LIN54: variants seen among roughly 807,000 people sequenced by gnomAD.
LIN54 encodes the protein protein lin-54 homolog.
Under a neutral mutation model 78.7 loss-of-function variants are expected in LIN54, and 9 were observed. The ratio of observed to expected loss-of-function variants is 0.11; its 90% CI spans 0.07 to 0.20. The LOEUF (loss-of-function observed/expected upper bound fraction) is 0.20. LIN54 is among the 10% of genes least tolerant of loss of function. The pLI, the probability that LIN54 is intolerant of heterozygous loss-of-function variation, is 1.00. For missense variants in LIN54, 573 were observed against 889.9 expected, an observed-to-expected ratio of 0.64 and a Z score of 4.53; for synonymous variants, 269 against 318.4, an observed-to-expected ratio of 0.84 and a Z score of 1.65.
intron 2 of LIN54, among the ~76,000 whole-genome samples, chr4:82,980,663 A>G (rs1726559754): frequency 6.6e-6 from 1 of 152,134 alleles, no homozygotes; most frequent in Non-Finnish European, 1.5e-5. Flanking sequence ...TAGAAAGCTA[A>G]TGAAATTTAG....
chr4:82,938,262 C>T (rs1170118057), intron 8 of LIN54, 151 bp downstream of exon 8: 2 of 511,368 alleles, frequency 3.9e-6, no homozygotes, highest in East Asian at 3.1e-5. Flanking sequence ...TGTAATTTTT[C>T]TGTTTGAAAT....
chr4:83,008,810 GGACAA>G (rs2126118102), intron 1 of LIN54, among the ~76,000 whole-genome samples: 1 of 152,182 alleles, frequency 6.6e-6, no homozygotes, highest in East Asian at 1.9e-4. Flanking sequence ...GTTCTAACCA[GGACAA>G]TCTGAAAACT....
At chr4:82,973,294 A>G (rs1239551604) in intron 3 of LIN54, among the ~76,000 whole-genome samples, 1 of 152,178 alleles carries the variant, frequency 6.6e-6, no homozygotes, top group African/African-American at 2.4e-5. Context: ...AAAGCAGGTC[A>G]TTTCTACCAA....
upstream of LIN54, among the ~76,000 whole-genome samples, chr4:83,011,329 G>C (rs1729843769): frequency 6.6e-6 from 1 of 152,186 alleles, no homozygotes; most frequent in African/African-American, 2.4e-5. Context: ...TCCTCATGCA[G>C]ATGAAGTGGT....
chr4:82,945,948 A>G (rs1723318984), intron 5 of LIN54, among the ~76,000 whole-genome samples: 1 of 152,238 alleles, frequency 6.6e-6, no homozygotes, highest in African/African-American at 2.4e-5. Flanking sequence ...AAAATACATA[A>G]TACGGTTCCA....
At chr4:82,957,491 T>C (rs958644534) in intron 4 of LIN54, among the ~76,000 whole-genome samples, 1 of 152,266 alleles carries the variant, frequency 6.6e-6, no homozygotes, top group African/African-American at 2.4e-5. Flanking sequence ...AGCCCTAATC[T>C]GACCCTATGT....
At chr4:82,958,939 T>A (rs1459953019) in intron 4 of LIN54, among the ~76,000 whole-genome samples, 2 of 152,162 alleles carry the variant, frequency 1.3e-5, no homozygotes, top group African/African-American at 4.8e-5. Flanking sequence ...CGATCTCAGG[T>A]GATCCTTCTG....
rs561224314 is a variant in LIN54, at chr4:82,951,789, C to T, written c.952-5315G>A. On this transcript the variant is annotated intron_variant, in intron 4 of 12. Transcript: ENST00000340417. Reference sequence around the variant, plus strand: ...TATTAAAATATATAGACTAATAGAACAGAATAGAGAGCCCTAAGGAAAAAA... The same window carrying T: ...TATTAAAATATATAGACTAATAGAATAGAATAGAGAGCCCTAAGGAAAAAA... Among the ~76,000 whole-genome samples the T allele has an allele frequency of 7.9e-5, 12 of 151,772 alleles. No homozygotes were observed. In the East Asian group the frequency reaches 2.3e-3, roughly 29 times the overall value.
chr4:82,970,378 T>C lies in LIN54; in HGVS notation c.900A>G (p.Thr300=), dbSNP rs753910100. Residue 300 remains threonine (T), a synonymous_variant, in exon 4 of 13, where the codon ACA becomes ACG. Transcript: ENST00000340417. ...SGVIGSTLNS[T]TQTPNKIAIS... ...TGGCTATTTTATTTGGTGTCTGTGT[T>C]GTAGAATTTAAAGTTGATCCAATAA... 3 of 1,613,448 alleles carry C rather than the reference T, an allele frequency of 1.9e-6. No individual in the cohort carries two copies. The highest frequency in any genetic ancestry group is 2.5e-6 in the Non-Finnish European group (3 of 1,179,646).
chr4:82,999,340 CA>C (rs1728531464), intron 1 of LIN54, among the ~76,000 whole-genome samples: 2 of 152,126 alleles, frequency 1.3e-5, no homozygotes, highest in African/African-American at 4.8e-5. Flanking sequence ...CCCAACATTT[CA>C]AGATAAATGA....
Position 82,946,485 on chromosome 4 carries a change from A to G in LIN54, c.952-11T>C. 1 of 1,584,902 alleles carries G rather than the reference A, an allele frequency of 6.3e-7. No individual in the cohort carries two copies. The highest frequency in any genetic ancestry group is 8.7e-7 in the Non-Finnish European group (1 of 1,153,410). On this transcript the variant is annotated splice_polypyrimidine_tract_variant and intron_variant, in intron 4 of 12. Coordinates refer to ENST00000340417, the MANE Select transcript of LIN54 (RefSeq NM_194282.4). ...AGTTGATTTCACTGCCTATTAAACAATACAACATGGCTGTCATTAATCTGG... is the reference window on the plus strand; with the variant it reads ...AGTTGATTTCACTGCCTATTAAACAGTACAACATGGCTGTCATTAATCTGG...
rs1268784689 is a variant in LIN54 at position 82,932,832 on chromosome 4, AT to A, written c.1846-1688del. ...AAGAATGAAACACCATCTCAAAAAA[AT>A]ATATATATATATAATCTGATGGTGG... is the stretch of plus-strand genomic sequence containing the variant. On this transcript the variant is annotated intron_variant, in intron 11 of 12. Transcript: ENST00000340417. Among the ~76,000 whole-genome samples, 5 of 151,120 alleles carry A rather than the reference AT, an allele frequency of 3.3e-5. 1 individual carries two copies. Among genetic ancestry groups the A allele is most frequent in the South Asian group, 4.2e-4 (2 of 4,798 alleles).
At chr4:82,942,854 GCGCGCGCACACACA>G (rs1251894410) in intron 5 of LIN54, among the ~76,000 whole-genome samples, 76 of 47,228 alleles carry the variant, frequency 1.6e-3, no homozygotes, top group African/African-American at 2.3e-3. Context: ...GTGTGCGTGT[GCGCGCGCACACACA>G]CACACACACA....
At chr4:82,989,627 G>C (rs1727491037) in intron 1 of LIN54, among the ~76,000 whole-genome samples, 1 of 152,018 alleles carries the variant, frequency 6.6e-6, no homozygotes, top group South Asian at 2.1e-4. Flanking sequence ...ATGGCCTTTG[G>C]TCCCCATAAG....
chr4:82,947,710 T>C (rs1191135194), intron 4 of LIN54, among the ~76,000 whole-genome samples: 1 of 152,192 alleles, frequency 6.6e-6, no homozygotes, highest in Non-Finnish European at 1.5e-5. Context: ...CCCTAACTGC[T>C]GTTTAACCAA....
At position 83,010,605 on chromosome 4, in the gene LIN54, T is replaced by C. The variant is rs1053787315; in HGVS notation, c.-154A>G. ...GTGCACGATAGCTCTGGCCAGCAGC[T>C]TCCTTTCCCAGTTTGTCCAAACTGG... On this transcript the variant is annotated 5_prime_UTR_variant, in exon 1 of 13. Transcript: ENST00000340417. The C allele has an allele frequency of 2.4e-6, 3 of 1,225,826 alleles. No individual in the cohort carries two copies. In the African/African-American group the frequency reaches 4.7e-5, roughly 19 times the overall value. The allele number at this position is 1,225,826 out of a possible 1,614,324, so 75.9% of individuals were successfully genotyped here.
intron 4 of LIN54, among the ~76,000 whole-genome samples, chr4:82,947,237 T>TATATATATATATATATATATA (rs1560733573): frequency 8.7e-5 from 2 of 22,942 alleles, no homozygotes; most frequent in African/African-American, 2.6e-4. Context: ...ATATATATAT[T>TATATATATATATATATATATA]TTTTTTTTTT....
At position 82,924,883 on chromosome 4, in the gene LIN54, C is replaced by T. The variant is rs1721344099; in HGVS notation, c.*3219G>A. 1 of 152,518 alleles carries T rather than the reference C, an allele frequency of 6.6e-6. No individual in the cohort carries two copies. The highest frequency in any genetic ancestry group is 2.4e-5 in the African/African-American group (1 of 41,424). 9.4% of individuals were successfully genotyped at this position (152,518 alleles called of 1,614,324 possible). A position where few individuals can be genotyped will look rare whatever the true frequency, so the allele number is the denominator to read the frequency against. On this transcript the variant is annotated 3_prime_UTR_variant, in exon 13 of 13. Coordinates refer to ENST00000340417, the MANE Select transcript of LIN54 (RefSeq NM_194282.4). ...GATACAACATGATCAAAGTTATGGCCGGAGGTCCTGCTGTGAAGCTTCATT... is the reference window on the plus strand; with the variant it reads ...GATACAACATGATCAAAGTTATGGCTGGAGGTCCTGCTGTGAAGCTTCATT...
At chr4:82,953,486 G>A (rs554229977) in intron 4 of LIN54, among the ~76,000 whole-genome samples, 1 of 152,170 alleles carries the variant, frequency 6.6e-6, no homozygotes, top group Admixed American at 6.5e-5. Context: ...AAAATAGCTG[G>A]GTACAGTGAC....
Sources: gnomAD v4.1 joint callset for allele counts (sites outside exome capture counted in the v4.1 genomes callset) on GRCh38, gnomAD v4.1.1 for gene constraint, MANE v1.5 for transcripts, NCBI Gene and HGNC (gene_info 2026-07-23, HGNC 2026-07-21) for gene names.